Variants in DNAH14 observed in about 807,000 individuals in gnomAD.
DNAH14 encodes the protein axonemal beta dynein heavy chain 14.
DNAH14 carries 478 observed loss-of-function variants against 520.9 expected under a neutral mutation model. The ratio of observed to expected loss-of-function variants is 0.92; its 90% CI spans 0.85 to 0.99. The LOEUF (loss-of-function observed/expected upper bound fraction) is 0.99, where lower values mean the gene tolerates loss of function less well. Ranked by LOEUF, DNAH14 falls within the 50% of genes least tolerant of loss-of-function variation. The probability of loss-of-function intolerance (pLI) is 0.00; values close to 1 mark genes in which losing one functional copy is unlikely to be tolerated. For synonymous variants in DNAH14, 1,581 were observed against 1,757.2 expected (o/e 0.90, Z 2.51); for missense variants, 4,831 against 5,234.5 (o/e 0.92, Z 2.38).
intron 25 of DNAH14, chr1:225,118,264 T>G: frequency 6.2e-6 from 3 of 482,492 alleles, no homozygotes; most frequent in Non-Finnish European, 1.1e-5. Context: ...CATTAAATTC[T>G]GCCTTAAGTT....
chr1:225,117,240 A>G (rs556843147), intron 23 of DNAH14, among the ~76,000 whole-genome samples: 58 of 152,238 alleles, frequency 3.8e-4, no homozygotes, highest in Non-Finnish European at 7.6e-4. Flanking sequence ...TATCTGTGAT[A>G]TGGTAACTTA....
In DNAH14 at chr1:225,346,160, T is replaced by G. The variant is rs766037037; in HGVS notation, c.10877T>G (p.Met3626Arg). Residue 3626 changes from methionine to arginine, a missense_variant, in exon 70 of 86, where the codon ATG (methionine) becomes AGG (arginine). Met to Arg is a moderately conservative substitution (Grantham distance 91, BLOSUM62 -1). Transcript: ENST00000682510. ...LVADLTQINY[M>R]YQFSLDWFHQ... is the part of the protein sequence containing the mutation. Reference sequence around the variant, plus strand: ...GCTGATCTCACACAAATCAACTACATGTACCAGTTCTCCCTAGACTGGTTT... The same window carrying G: ...GCTGATCTCACACAAATCAACTACAGGTACCAGTTCTCCCTAGACTGGTTT... 6.4e-7 allele frequency: 1 copy of G among 1,551,704 alleles called. No individual in the cohort carries two copies. The highest frequency in any genetic ancestry group is 8.7e-7 in the Non-Finnish European group (1 of 1,146,984).
rs544200470 is a variant in DNAH14 at position 225,360,860 on chromosome 1, T to C, written c.11956T>C (p.Phe3986Leu). The part of the protein sequence containing the change: ...FLQNCHLATS[F>L]MPRLCTIVES... ...CCAGAACTGCCATCTTGCAACATCA[T>C]TTATGCCAAGGCTTTGCACAATTGT... The change falls in exon 75 of 86, where the codon TTT (phenylalanine) becomes CTT (leucine). Residue 3986 changes from phenylalanine (F) to leucine (L), a missense_variant. By Grantham distance (22) the Phe-to-Leu change is conservative. Transcript: ENST00000682510. 2 of 1,551,734 alleles carry C rather than the reference T, an allele frequency of 1.3e-6. No homozygotes were observed. The highest frequency in any genetic ancestry group is 4.9e-5 in the East Asian group (2 of 40,918).
intron 55 of DNAH14, 65 bp from the exon 56 acceptor site, chr1:225,300,804 G>C: frequency 9.7e-6 from 14 of 1,445,140 alleles, no homozygotes; most frequent in Non-Finnish European, 1.1e-5. Context: ...TCCTCAAATT[G>C]ATGTGGTTAG....
chr1:225,271,069 G>A (rs1434644101), intron 50 of DNAH14, among the ~76,000 whole-genome samples: 1 of 152,140 alleles, frequency 6.6e-6, no homozygotes, highest in African/African-American at 2.4e-5. Flanking sequence ...CACTTGTGGT[G>A]CATGTCCAAT....
intron 58 of DNAH14, among the ~76,000 whole-genome samples, chr1:225,305,988 T>TA (rs1402552295): frequency 1.3e-5 from 2 of 152,188 alleles, no homozygotes; most frequent in Non-Finnish European, 2.9e-5. Flanking sequence ...CCAAGCCAGT[T>TA]AAAAATGTTA....
intron 17 of DNAH14, among the ~76,000 whole-genome samples, chr1:225,072,479 T>G (rs2071658751): frequency 6.6e-6 from 1 of 152,242 alleles, no homozygotes; most frequent in Admixed American, 6.5e-5. Context: ...TGGGTTACAA[T>G]GTACTTCTTT....
rs944000175 is a variant in DNAH14 at position 225,351,633 on chromosome 1, T to C, written c.11297-14T>C. The C allele has an allele frequency of 3.3e-6, 5 of 1,529,290 alleles. No homozygotes were observed. The highest frequency in any genetic ancestry group is 4.1e-5 in the Admixed American group (2 of 48,564). The allele number at this position is 1,529,290 out of a possible 1,614,324, so 94.7% of individuals were successfully genotyped here. Reference sequence around the variant, plus strand: ...TTATCTCTTCTAATGTGATCATCTTTCTTTTTTTATCAGGCACATTTGAAA... The same window carrying C: ...TTATCTCTTCTAATGTGATCATCTTCCTTTTTTTATCAGGCACATTTGAAA... On this transcript the variant is annotated splice_polypyrimidine_tract_variant and intron_variant, in intron 71 of 85. Coordinates refer to ENST00000682510, the MANE Select transcript of DNAH14 (RefSeq NM_001367479.1).
intron 41 of DNAH14, among the ~76,000 whole-genome samples, chr1:225,212,355 G>A (rs147386936): frequency 0.049 from 7,426 of 151,982 alleles, 285 homozygotes; most frequent in Non-Finnish European, 0.073. Context: ...GAATAGTGCC[G>A]CAATAAACAT....
chr1:225,033,298 C>T lies in DNAH14; in HGVS notation c.1359-5396C>T, dbSNP rs368315577. On this transcript the variant is annotated intron_variant, in intron 11 of 85. Transcript: ENST00000682510. ...TCCAGCTTCAATCTTCTGCATATGGCTAGCTAGTTATCTCAGCACCATTTA... is the reference window on the plus strand; with the variant it reads ...TCCAGCTTCAATCTTCTGCATATGGTTAGCTAGTTATCTCAGCACCATTTA... Among the ~76,000 whole-genome samples the T allele has an allele frequency of 2.0e-5, 3 of 152,166 alleles. No homozygotes were observed. The East Asian group carries it at 5.8e-4, about 29-fold the overall frequency.
chr1:225,336,684 A>C (rs2095062210), intron 66 of DNAH14, among the ~76,000 whole-genome samples: 1 of 152,220 alleles, frequency 6.6e-6, no homozygotes, highest in Admixed American at 6.5e-5. Context: ...CATATAGAAC[A>C]TTGCCAAAAT....
chr1:225,328,584 C>A (rs894053490), intron 64 of DNAH14, among the ~76,000 whole-genome samples: 1 of 152,002 alleles, frequency 6.6e-6, no homozygotes, highest in Non-Finnish European at 1.5e-5. Context: ...AAAAATAGGT[C>A]TTTTATTTGC....
In DNAH14 at chr1:225,185,076, A is replaced by C. The variant is rs181983514; in HGVS notation, c.5536-215A>C. ...CAAGAGGCTCCTAAATCTGGTAAAC[A>C]ACTTCAGCAAAGTTTCAGGACACAA... is the stretch of plus-strand genomic sequence containing the variant. On this transcript the variant is annotated intron_variant, in intron 36 of 85. Coordinates refer to ENST00000682510, the MANE Select transcript of DNAH14 (RefSeq NM_001367479.1). 8.8e-4 allele frequency among the ~76,000 whole-genome samples: 134 copies of C among 152,256 alleles called. 1 individual carries two copies. Among genetic ancestry groups the C allele is most frequent in the African/African-American group, 3.0e-3 (125 of 41,558 alleles).
chr1:225,164,206 T>C (rs2081821696), intron 35 of DNAH14, among the ~76,000 whole-genome samples: 1 of 152,252 alleles, frequency 6.6e-6, no homozygotes, highest in East Asian at 1.9e-4. Flanking sequence ...TTTAAAGTTG[T>C]AAGTTATATA....
chr1:225,132,954 T>G (rs1413878014), intron 27 of DNAH14, among the ~76,000 whole-genome samples: 1 of 152,230 alleles, frequency 6.6e-6, no homozygotes, highest in Non-Finnish European at 1.5e-5. Flanking sequence ...TAGTTTTGAT[T>G]TGCATTTCTC....
At chr1:225,351,299 A>G (rs2095362982) in intron 71 of DNAH14, among the ~76,000 whole-genome samples, 1 of 152,138 alleles carries the variant, frequency 6.6e-6, no homozygotes, top group Non-Finnish European at 1.5e-5. Flanking sequence ...GCTGAGGCAC[A>G]ATAATCACTT....
Position 225,381,368 on chromosome 1 carries a change from C to T in DNAH14, c.12881-15C>T. The T allele has an allele frequency of 1.3e-6, 2 of 1,524,158 alleles. No homozygotes were observed. Among genetic ancestry groups the T allele is most frequent in the East Asian group, 2.5e-5 (1 of 40,676 alleles). 94.4% of individuals were successfully genotyped at this position (1,524,158 alleles called of 1,614,324 possible). On this transcript the variant is annotated splice_polypyrimidine_tract_variant and intron_variant, in intron 80 of 85. Coordinates refer to ENST00000682510, the MANE Select transcript of DNAH14 (RefSeq NM_001367479.1). ...TCTGTAAAATATCAAAATTTTATTT[C>T]TTTTTAAAATCCAGATCACGACCCC... is the stretch of plus-strand genomic sequence containing the variant.
At chr1:224,995,833 T>A (rs1312916274) in intron 8 of DNAH14, among the ~76,000 whole-genome samples, 1 of 152,132 alleles carries the variant, frequency 6.6e-6, no homozygotes, top group African/African-American at 2.4e-5. Context: ...GTTGAAACTC[T>A]CTATTGCATT....
rs754740260 is a variant in DNAH14, at chr1:225,346,286, G to A, written c.11003G>A (p.Ser3668Asn). ...CCAAAAGAAGTTCATGAGTTTATAA[G>A]TATTTCAAAAGAACCCAACCTGGAA... is the stretch of plus-strand genomic sequence containing the variant. ...VSPKEVHEFISISKEPNLENE... is the reference protein window; with the variant it reads ...VSPKEVHEFINISKEPNLENE... The change falls in exon 70 of 86, where the codon AGT (serine) becomes AAT (asparagine). Residue 3668 changes from serine (S) to asparagine (N), a missense_variant. Transcript: ENST00000682510. The A allele has an allele frequency of 1.4e-4, 214 of 1,549,306 alleles. No homozygotes were observed. The highest frequency in any genetic ancestry group is 1.8e-4 in the Non-Finnish European group (206 of 1,146,470).
Sources: gnomAD v4.1 joint callset for allele counts (sites outside exome capture counted in the v4.1 genomes callset) on GRCh38, gnomAD v4.1.1 for gene constraint, MANE v1.5 for transcripts, NCBI Gene and HGNC (gene_info 2026-07-23, HGNC 2026-07-21) for gene names.